LY86: variants seen among roughly 807,000 people sequenced by gnomAD.
LY86 encodes the protein lymphocyte antigen 86, also known as MD-1, RP105-associated.
Under a neutral mutation model 17.3 loss-of-function variants are expected in LY86, and 20 were observed. That is an observed-to-expected ratio of 1.15 (90% confidence interval 0.81 to 1.68). The LOEUF is 1.68. LY86 is among the 40% of genes most tolerant of loss of function. The pLI, the probability that LY86 is intolerant of heterozygous loss-of-function variation, is 0.00. For synonymous variants in LY86, 74 were observed against 70.6 expected, an observed-to-expected ratio of 1.05 and a Z score of -0.24; for missense variants, 200 against 191.9, an observed-to-expected ratio of 1.04 and a Z score of -0.25.
intron 3 of LY86, among the ~76,000 whole-genome samples, chr6:6,649,376 A>G (rs1448059403): frequency 1.3e-5 from 2 of 152,246 alleles, no homozygotes; most frequent in African/African-American, 4.8e-5. Context: ...GTGTGGACAG[A>G]GACTTCTTTT....
chr6:6,627,670 C>T (rs984568177), intron 3 of LY86, among the ~76,000 whole-genome samples: 1 of 152,146 alleles, frequency 6.6e-6, no homozygotes, highest in Admixed American at 6.5e-5. Context: ...TACAGACACA[C>T]GCAGAGCAAA....
At chr6:6,608,005 T>C (rs549148451) in intron 1 of LY86, among the ~76,000 whole-genome samples, 3 of 152,372 alleles carry the variant, frequency 2.0e-5, no homozygotes, top group Admixed American at 2.0e-4. Context: ...ATTTTAAAAG[T>C]TAGCTGTCTG....
At chr6:6,617,557 A>T (rs2113129831) in intron 1 of LY86, among the ~76,000 whole-genome samples, 1 of 152,354 alleles carries the variant, frequency 6.6e-6, no homozygotes, top group Middle Eastern at 3.4e-3. Context: ...CAGATGATGA[A>T]GTATTATACA....
At chr6:6,637,423 A>T (rs931344929) in intron 3 of LY86, among the ~76,000 whole-genome samples, 1 of 152,190 alleles carries the variant, frequency 6.6e-6, no homozygotes, top group Non-Finnish European at 1.5e-5. Context: ...GACATCAGTC[A>T]ATTCTTTATG....
intron 1 of LY86, among the ~76,000 whole-genome samples, chr6:6,590,317 C>T (rs932388306): frequency 9.2e-5 from 14 of 152,056 alleles, no homozygotes; most frequent in African/African-American, 3.1e-4. Flanking sequence ...ACGGACAGGC[C>T]GGTAGTAGAG....
intron 1 of LY86, among the ~76,000 whole-genome samples, chr6:6,600,356 G>A (rs1177463638): frequency 6.6e-6 from 1 of 151,954 alleles, no homozygotes; most frequent in African/African-American, 2.4e-5. Flanking sequence ...TTCAGAGGCC[G>A]AGGCAGGCAG....
At chr6:6,596,729 C>G (rs2113080083) in intron 1 of LY86, among the ~76,000 whole-genome samples, 1 of 152,112 alleles carries the variant, frequency 6.6e-6, no homozygotes, top group South Asian at 2.1e-4. Flanking sequence ...TGAACGCTGC[C>G]AGAAGGGAAG....
In LY86 at chr6:6,649,745, A is replaced by AGGG. The variant is rs1762160089; in HGVS notation, c.405+69_405+71dup. On this transcript the variant is annotated intron_variant, in intron 4 of 4. Transcript: ENST00000230568. ...GAAGAAGAAGAAGAAGGCTAGAAGG[A>AGGG]GGGAAAGGAGGAGAAACCAAGAAAG... 51 of 976,908 alleles carry AGGG rather than the reference A, an allele frequency of 5.2e-5. No homozygotes were observed. The South Asian group carries it at 6.0e-4, about 11-fold the overall frequency. 60.5% of individuals were successfully genotyped at this position (976,908 alleles called of 1,614,324 possible).
At chr6:6,631,911 T>C (rs138763701) in intron 3 of LY86, among the ~76,000 whole-genome samples, 1 of 152,388 alleles carries the variant, frequency 6.6e-6, no homozygotes, top group Admixed American at 6.5e-5. Context: ...TTAAATTTCA[T>C]TTAATTCTTA....
intron 3 of LY86, among the ~76,000 whole-genome samples, chr6:6,643,749 C>G (rs373705967): frequency 6.6e-6 from 1 of 152,196 alleles, no homozygotes; most frequent in Non-Finnish European, 1.5e-5. Flanking sequence ...CGAACACACA[C>G]GTGCAGGCAC....
chr6:6,605,853 A>AG (rs1031272138), intron 1 of LY86, among the ~76,000 whole-genome samples: 1 of 151,636 alleles, frequency 6.6e-6, no homozygotes, highest in Non-Finnish European at 1.5e-5. Flanking sequence ...ACAGCTCTTA[A>AG]GGGGGCATCT....
intron 1 of LY86, among the ~76,000 whole-genome samples, chr6:6,606,924 C>G (rs1346636514): frequency 6.6e-6 from 1 of 152,256 alleles, no homozygotes; most frequent in Non-Finnish European, 1.5e-5. Flanking sequence ...GAGTGGGCAC[C>G]GAGGCCGAGG....
At chr6:6,633,838 C>T (rs1226296999) in intron 3 of LY86, among the ~76,000 whole-genome samples, 1 of 152,168 alleles carries the variant, frequency 6.6e-6, no homozygotes, top group Non-Finnish European at 1.5e-5. Flanking sequence ...ATCAATTGTA[C>T]ACAACCTACT....
At chr6:6,633,567 C>T (rs978700647) in intron 3 of LY86, among the ~76,000 whole-genome samples, 42 of 152,118 alleles carry the variant, frequency 2.8e-4, no homozygotes, top group African/African-American at 8.9e-4. Flanking sequence ...GCTATTTTTC[C>T]GATGCTCTCC....
intron 1 of LY86, among the ~76,000 whole-genome samples, chr6:6,614,877 C>T (rs1365228411): frequency 1.3e-5 from 2 of 152,042 alleles, no homozygotes; most frequent in African/African-American, 4.8e-5. Flanking sequence ...GCAGGGGAAA[C>T]ATGGTGTCCT....
intron 1 of LY86, among the ~76,000 whole-genome samples, chr6:6,609,024 G>A (rs1272724051): frequency 1.3e-5 from 2 of 152,180 alleles, no homozygotes; most frequent in Non-Finnish European, 2.9e-5. Context: ...AGAGAAATGA[G>A]TCCTTTCCTT....
chr6:6,629,189 C>A (rs965416106), intron 3 of LY86, among the ~76,000 whole-genome samples: 1 of 152,086 alleles, frequency 6.6e-6, no homozygotes, highest in Non-Finnish European at 1.5e-5. Flanking sequence ...GGGAAATTGC[C>A]AGAAAACTTC....
intron 1 of LY86, among the ~76,000 whole-genome samples, chr6:6,598,264 GCA>G (rs1760781375): frequency 6.6e-6 from 1 of 152,008 alleles, no homozygotes; most frequent in African/African-American, 2.4e-5. Context: ...AGCAGACAAA[GCA>G]CAAATTATCA....
chr6:6,613,242 G>T (rs112423111), intron 1 of LY86, among the ~76,000 whole-genome samples: 2 of 152,266 alleles, frequency 1.3e-5, no homozygotes, highest in African/African-American at 4.8e-5. Flanking sequence ...AGGGCCGCAG[G>T]TGGAGCTGCC....
Sources: allele counts gnomAD v4.1 joint callset (sites outside exome capture counted in the v4.1 genomes callset), GRCh38; gene constraint gnomAD v4.1.1; transcripts MANE v1.5; gene names NCBI Gene and HGNC (gene_info 2026-07-23, HGNC 2026-07-21).